Variants in TRPC4 observed in about 807,000 individuals in gnomAD.
The protein encoded by TRPC4 is short transient receptor potential channel 4.
In TRPC4, 49 loss-of-function variants were observed where a neutral mutation model predicts 99.4. That is an observed-to-expected ratio of 0.49 (90% CI 0.39 to 0.63). The LOEUF is 0.63. Among genes scored for constraint, TRPC4 ranks in the 20% least tolerant of loss-of-function variants. TRPC4 has a pLI of 0.00. For missense variants in TRPC4, 898 were observed against 1,152.9 expected, an observed-to-expected ratio of 0.78 and a Z score of 3.20; for synonymous variants, 454 against 425.9, an observed-to-expected ratio of 1.07 and a Z score of -0.81.
intron 3 of TRPC4, among the ~76,000 whole-genome samples, chr13:37,704,261 T>C (rs1221397630): frequency 6.6e-6 from 1 of 152,220 alleles, no homozygotes; most frequent in Admixed American, 6.6e-5. Context: ...CCTGTGATGG[T>C]GATGGATGTG....
At chr13:37,733,405 T>C (rs187579733) in intron 3 of TRPC4, among the ~76,000 whole-genome samples, 1 of 152,116 alleles carries the variant, frequency 6.6e-6, no homozygotes, top group African/African-American at 2.4e-5. Flanking sequence ...CTCTAATCTA[T>C]CCCATCAAGC....
chr13:37,720,933 C>T (rs1364630369), intron 3 of TRPC4, among the ~76,000 whole-genome samples: 1 of 152,148 alleles, frequency 6.6e-6, no homozygotes, highest in East Asian at 1.9e-4. Context: ...GACTCATAGG[C>T]TGGTGTAAAA....
intron 1 of TRPC4, among the ~76,000 whole-genome samples, chr13:37,813,028 A>G (rs1957749234): frequency 6.6e-6 from 1 of 152,020 alleles, no homozygotes; most frequent in African/African-American, 2.4e-5. Flanking sequence ...AGAATTTTAT[A>G]CCCACCCAAA....
At chr13:37,703,293 C>T (rs553574526) in intron 3 of TRPC4, among the ~76,000 whole-genome samples, 5 of 152,178 alleles carry the variant, frequency 3.3e-5, no homozygotes, top group African/African-American at 1.2e-4. Flanking sequence ...ACATTTTGGA[C>T]CATAACACTG....
At chr13:37,726,197 C>CA (rs1955051388) in intron 3 of TRPC4, among the ~76,000 whole-genome samples, 1 of 147,900 alleles carries the variant, frequency 6.8e-6, no homozygotes, top group Admixed American at 6.9e-5. Context: ...CACCGTCCCC[C>CA]CCCAAAAAAA....
chr13:37,850,857 G>A (rs1593317191), intron 1 of TRPC4, among the ~76,000 whole-genome samples: 1 of 152,166 alleles, frequency 6.6e-6, no homozygotes, highest in Non-Finnish European at 1.5e-5. Context: ...AGCCATATTT[G>A]CTCTCAAGGC....
At position 37,827,189 on chromosome 13, in the gene TRPC4, A is replaced by G. The variant is rs900440210; in HGVS notation, c.-28+42406T>C. Among the ~76,000 whole-genome samples, 3 of 151,866 alleles carry G rather than the reference A, an allele frequency of 2.0e-5. No homozygotes were observed. In the East Asian group the frequency reaches 5.8e-4, roughly 29 times the overall value. ...ATACATTCTTCTAATTTTTTTTCAA[A>G]GTTCTCAACTTCTTTGACTTTGGTT... On this transcript the variant is annotated intron_variant, in intron 1 of 10. Coordinates refer to ENST00000379705, the MANE Select transcript of TRPC4 (RefSeq NM_016179.4).
At chr13:37,646,507 T>A (rs1409590786) in intron 8 of TRPC4, among the ~76,000 whole-genome samples, 1 of 152,170 alleles carries the variant, frequency 6.6e-6, no homozygotes, top group Non-Finnish European at 1.5e-5. Flanking sequence ...ATTAAATGGA[T>A]CGGGACCTTT....
chr13:37,830,895 T>C (rs1380442921), intron 1 of TRPC4, among the ~76,000 whole-genome samples: 1 of 150,598 alleles, frequency 6.6e-6, no homozygotes, highest in Non-Finnish European at 1.5e-5. Flanking sequence ...ATATAGGAAG[T>C]AGTATCATAT....
rs988724813 is a variant in TRPC4 at position 37,636,053 on chromosome 13, T to C, written c.*850A>G. Among the ~76,000 whole-genome samples, 3 of 152,126 alleles carry C rather than the reference T, an allele frequency of 2.0e-5. No individual in the cohort carries two copies. The highest frequency in any genetic ancestry group is 2.9e-5 in the Non-Finnish European group (2 of 68,006). On this transcript the variant is annotated 3_prime_UTR_variant, in exon 11 of 11. Coordinates refer to ENST00000379705, the MANE Select transcript of TRPC4 (RefSeq NM_016179.4). ...TTTGGATATTATTAGTATGTAATCA[T>C]CTTGCTTGTTTAAGATACTTACAAT...
At chr13:37,854,870 G>A (rs920348004) in intron 1 of TRPC4, 1 of 151,906 alleles carries the variant, frequency 6.6e-6, no homozygotes, top group Admixed American at 6.6e-5. Flanking sequence ...ACAACAAAAT[G>A]GTAGGAGTAA....
rs1219187349 is a variant in TRPC4, at chr13:37,822,693, C to A, written c.-27-39333G>T. 1.2e-4 allele frequency among the ~76,000 whole-genome samples: 19 copies of A among 152,004 alleles called. 1 individual carries two copies. On this transcript the variant is annotated intron_variant, in intron 1 of 10. Coordinates refer to ENST00000379705, the MANE Select transcript of TRPC4 (RefSeq NM_016179.4). ...CATTGTTGGACATTTGGGTTGGTTC[C>A]AAGTCTTTGCTATTGTGAATAATGC...
chr13:37,835,308 T>C (rs1003117986), intron 1 of TRPC4, among the ~76,000 whole-genome samples: 9 of 152,178 alleles, frequency 5.9e-5, no homozygotes, highest in South Asian at 2.1e-4. Context: ...TTGTAAAATA[T>C]GACCTATGAA....
At chr13:37,696,174 A>G (rs1472108137) in intron 3 of TRPC4, among the ~76,000 whole-genome samples, 2 of 152,116 alleles carry the variant, frequency 1.3e-5, no homozygotes, top group Non-Finnish European at 1.5e-5. Context: ...TTTTAAAACC[A>G]TCAGATCTCA....
chr13:37,651,467 G>T lies in TRPC4; in HGVS notation c.1885-8C>A. 1 of 1,612,634 alleles carries T rather than the reference G, an allele frequency of 6.2e-7. No homozygotes were observed. On this transcript the variant is annotated splice_region_variant and splice_polypyrimidine_tract_variant and intron_variant, in intron 7 of 10. Coordinates refer to ENST00000379705, the MANE Select transcript of TRPC4 (RefSeq NM_016179.4). ...TTCTATATCTGCATGGTCCTGAACA[G>T]GAGAACATGACAACTGATGATAGGT...
At chr13:37,812,175 T>TCAAAAAAAAAAAAAAAAAAAAAAAAAAAA (rs1957708840) in intron 1 of TRPC4, among the ~76,000 whole-genome samples, 1 of 5,202 alleles carries the variant, frequency 1.9e-4, no homozygotes, top group Non-Finnish European at 3.6e-4. Context: ...TGAGACTCTA[T>TCAAAAAAAAAAAAAAAAAAAAAAAAAAAA]CAAAAAAAAA....
chr13:37,689,025 A>G (rs1043717437), intron 4 of TRPC4, among the ~76,000 whole-genome samples: 13 of 152,152 alleles, frequency 8.5e-5, no homozygotes, highest in Admixed American at 3.3e-4. Flanking sequence ...ATTTTTATAT[A>G]TATTACGCTT....
chr13:37,777,929 G>T (rs575014988), intron 2 of TRPC4, among the ~76,000 whole-genome samples: 85 of 152,064 alleles, frequency 5.6e-4, no homozygotes, highest in African/African-American at 2.0e-3. Flanking sequence ...TTCACTCTGT[G>T]CTCTTTCCCA....
At chr13:37,801,288 T>C (rs189365485) in intron 1 of TRPC4, among the ~76,000 whole-genome samples, 3 of 152,236 alleles carry the variant, frequency 2.0e-5, no homozygotes, top group Admixed American at 6.6e-5. Flanking sequence ...ATGTAAGTGA[T>C]CTTGAAAGAC....
Sources: allele counts gnomAD v4.1 joint callset (sites outside exome capture counted in the v4.1 genomes callset), GRCh38; gene constraint gnomAD v4.1.1; transcripts MANE v1.5; gene names NCBI Gene and HGNC (gene_info 2026-07-23, HGNC 2026-07-21).